CDIP1: variants seen among roughly 807,000 people sequenced by gnomAD.
The protein encoded by CDIP1 is cell death inducing p53 target 1, also known as cell death-inducing p53-target protein 1.
A neutral mutation model predicts 17.7 loss-of-function variants in CDIP1; 9 were observed. That is an observed-to-expected ratio of 0.51 (90% CI 0.31 to 0.89). The LOEUF (loss-of-function observed/expected upper bound fraction) is 0.89. CDIP1 is among the 40% of genes least tolerant of loss of function. CDIP1 has a pLI of 0.05. For synonymous variants in CDIP1, 117 were observed against 109.5 expected (o/e 1.07, Z -0.43); for missense variants, 263 against 277.9 (o/e 0.95, Z 0.38).
chr16:4,512,310 TCA>T lies in CDIP1; in HGVS notation c.*260_*261del. 1 of 557,104 alleles carries T rather than the reference TCA, an allele frequency of 1.8e-6. No homozygotes were observed. The highest frequency in any genetic ancestry group is 2.1e-5 in the South Asian group (1 of 47,988). The allele number at this position is 557,104 out of a possible 1,614,324, so 34.5% of individuals were successfully genotyped here. On this transcript the variant is annotated 3_prime_UTR_variant, in exon 6 of 6. Coordinates refer to ENST00000567695, the MANE Select transcript of CDIP1 (RefSeq NM_013399.3). This position sits in a 1 kb window ranked among gnomAD's most constrained non-coding sequence, Gnocchi z 4.6. ...GACCCCTCCCAGCTTATCTTCCCGA[TCA>T]CACACACCAAGCAGACCAACAACAC...
chr16:4,520,460 G>T (rs567488547), intron 1 of CDIP1, among the ~76,000 whole-genome samples: 3 of 152,214 alleles, frequency 2.0e-5, no homozygotes, highest in African/African-American at 4.8e-5. Context: ...CTTAACAATG[G>T]TTTTTTTCTA....
At chr16:4,516,198 T>C (rs2058885854) in intron 1 of CDIP1, among the ~76,000 whole-genome samples, 1 of 152,172 alleles carries the variant, frequency 6.6e-6, no homozygotes, top group South Asian at 2.1e-4. Flanking sequence ...TTCACTTATA[T>C]GAAATGTCCC....
At chr16:4,533,075 A>C (rs1450056990) in intron 1 of CDIP1, 1 of 152,246 alleles carries the variant, frequency 6.6e-6, no homozygotes, top group Admixed American at 6.5e-5. Context: ...CCCTGCCCTC[A>C]GGGAGCTGCA....
chr16:4,526,232 C>G (rs901173734), intron 1 of CDIP1, among the ~76,000 whole-genome samples: 1 of 152,022 alleles, frequency 6.6e-6, no homozygotes, highest in African/African-American at 2.4e-5. Context: ...TGGTGAAACT[C>G]TGTTTGTACA....
intron 1 of CDIP1, among the ~76,000 whole-genome samples, chr16:4,531,191 G>T (rs911230873): frequency 6.6e-6 from 1 of 151,962 alleles, no homozygotes; most frequent in Admixed American, 6.6e-5. Context: ...ACCACACCCA[G>T]CTAGTTTTTT....
At chr16:4,521,215 A>G (rs1424847021) in intron 1 of CDIP1, among the ~76,000 whole-genome samples, 1 of 152,076 alleles carries the variant, frequency 6.6e-6, no homozygotes, top group Non-Finnish European at 1.5e-5. Context: ...CTGCTCCTAC[A>G]CCATCAATGT....
At chr16:4,533,559 C>T (rs960320510) in intron 1 of CDIP1, 7 of 152,312 alleles carry the variant, frequency 4.6e-5, no homozygotes, top group African/African-American at 1.7e-4. Flanking sequence ...GTCAGCAAGT[C>T]CTACTAACTC....
Position 4,526,822 on chromosome 16 carries a change from C to T in CDIP1, c.-105+11880G>A, listed in dbSNP as rs545113249. Among the ~76,000 whole-genome samples, 10 of 152,262 alleles carry T rather than the reference C, an allele frequency of 6.6e-5. No homozygotes were observed. In the East Asian group the frequency reaches 1.9e-3, roughly 29 times the overall value. ...ACACCACTGCGCCCTCCAACAGAAG[C>T]ATGAGCCCTGTGTCGCAGGCAGAGC... On this transcript the variant is annotated intron_variant, in intron 1 of 5. Coordinates refer to ENST00000567695, the MANE Select transcript of CDIP1 (RefSeq NM_013399.3).
At chr16:4,518,138 G>C (rs1194919823) in intron 1 of CDIP1, among the ~76,000 whole-genome samples, 1 of 152,178 alleles carries the variant, frequency 6.6e-6, no homozygotes, top group African/African-American at 2.4e-5. Flanking sequence ...ATCCCAGCCT[G>C]GGTCCCTTGC....
At chr16:4,528,644 G>A (rs1048890645) in intron 1 of CDIP1, among the ~76,000 whole-genome samples, 2 of 128,066 alleles carry the variant, frequency 1.6e-5, no homozygotes, top group African/African-American at 6.0e-5. Flanking sequence ...TTGCACCGCT[G>A]CACTCTAGCA....
chr16:4,526,365 G>A (rs1240835564), intron 1 of CDIP1, among the ~76,000 whole-genome samples: 1 of 148,154 alleles, frequency 6.7e-6, no homozygotes, highest in Non-Finnish European at 1.5e-5. Flanking sequence ...AGATCACACC[G>A]TCGCACTCCA....
At chr16:4,535,543 T>G (rs1399793411) in intron 1 of CDIP1, among the ~76,000 whole-genome samples, 1 of 152,234 alleles carries the variant, frequency 6.6e-6, no homozygotes, top group Non-Finnish European at 1.5e-5. Context: ...CAGGCCTTCC[T>G]GTGGCCTGGG....
At chr16:4,515,714 C>A (rs1007571994) in intron 1 of CDIP1, among the ~76,000 whole-genome samples, 6 of 152,162 alleles carry the variant, frequency 3.9e-5, no homozygotes, top group African/African-American at 1.4e-4. Flanking sequence ...ACAAGGAGAC[C>A]ATTTCCTATC....
At chr16:4,529,880 C>T (rs1042222708) in intron 1 of CDIP1, among the ~76,000 whole-genome samples, 2 of 152,248 alleles carry the variant, frequency 1.3e-5, no homozygotes, top group African/African-American at 2.4e-5. Context: ...AATTCAGACA[C>T]AAATGTCTCC....
intron 1 of CDIP1, among the ~76,000 whole-genome samples, chr16:4,518,537 A>C (rs2058911616): frequency 6.6e-6 from 1 of 151,936 alleles, no homozygotes; most frequent in Admixed American, 6.5e-5. Context: ...CCTGCTACTC[A>C]CTGCTCCCCC....
At chr16:4,527,704 G>A (rs150961612) in intron 1 of CDIP1, among the ~76,000 whole-genome samples, 54 of 152,302 alleles carry the variant, frequency 3.5e-4, no homozygotes, top group African/African-American at 1.2e-3. Context: ...CAGATTCACA[G>A]GCAAAGATGT....
chr16:4,519,482 C>T (rs937678208), intron 1 of CDIP1, among the ~76,000 whole-genome samples: 5 of 152,188 alleles, frequency 3.3e-5, no homozygotes, highest in Non-Finnish European at 7.3e-5. Context: ...ATCTTGGGAG[C>T]GGATTCCTTG....
At position 4,513,003 on chromosome 16, in the gene CDIP1, CGTGTAGGGCCCTGGG is replaced by C; in HGVS notation, c.288_302del (p.Thr101_Tyr105del). On this transcript the variant is annotated inframe_deletion, in exon 5 of 6. Coordinates refer to ENST00000567695, the MANE Select transcript of CDIP1 (RefSeq NM_013399.3). The surrounding 1 kb of genome is among the most constrained non-coding windows in gnomAD (Gnocchi z 4.1). Reference sequence around the variant, plus strand: ...CCCCAGGGCCAGGGTAGGGCCCTGGCGTGTAGGGCCCTGGGGGGTAGTAGCCCATGGGTGGGTGGG... The same window carrying C: ...CCCCAGGGCCAGGGTAGGGCCCTGGCGGGTAGTAGCCCATGGGTGGGTGGG... 6.3e-7 allele frequency: 1 copy of C among 1,589,730 alleles called. No homozygotes were observed. Among genetic ancestry groups the C allele is most frequent in the South Asian group, 1.1e-5 (1 of 87,370 alleles).
chr16:4,526,850 C>A (rs1478037089), intron 1 of CDIP1, among the ~76,000 whole-genome samples: 1 of 152,166 alleles, frequency 6.6e-6, no homozygotes, highest in Middle Eastern at 3.2e-3. Flanking sequence ...GGCAGAGCTG[C>A]AGGGGCAGAA....
Sources: allele counts gnomAD v4.1 joint callset (sites outside exome capture counted in the v4.1 genomes callset), GRCh38; gene constraint gnomAD v4.1.1; non-coding constraint Gnocchi (gnomAD v3.1); transcripts MANE v1.5; gene names NCBI Gene and HGNC (gene_info 2026-07-23, HGNC 2026-07-21).